The following RNF135 variants were observed in gnomAD, a reference collection of about 807,000 sequenced individuals.
RNF135 encodes ring finger protein 135.
In RNF135, 46 loss-of-function variants were observed where a neutral mutation model predicts 41.9. That is an observed-to-expected ratio of 1.10 (90% CI 0.87 to 1.40). The LOEUF (loss-of-function observed/expected upper bound fraction) is 1.40. Among genes scored for constraint, RNF135 ranks in the 40% most tolerant of loss-of-function variants. RNF135 has a pLI of 0.00. For missense variants in RNF135, 539 were observed against 549.8 expected (o/e 0.98, Z 0.20); for synonymous variants, 238 against 223.8 (o/e 1.06, Z -0.57).
rs1905856936 is a variant in RNF135 at position 30,971,058 on chromosome 17, C to T, written c.-16C>T. Reference sequence around the variant, plus strand: ...CGGCTCAACCCCGACGTCCGCGCCCCGGCCGCCTGTTGGCCATGGCGGGCC... The same window carrying T: ...CGGCTCAACCCCGACGTCCGCGCCCTGGCCGCCTGTTGGCCATGGCGGGCC... On this transcript the variant is annotated 5_prime_UTR_variant, in exon 1 of 5. Transcript: ENST00000328381. 3 of 1,533,876 alleles carry T rather than the reference C, an allele frequency of 2.0e-6. No individual in the cohort carries two copies. The highest frequency in any genetic ancestry group is 1.7e-6 in the Non-Finnish European group (2 of 1,145,898).
intron 1 of RNF135, among the ~76,000 whole-genome samples, chr17:30,978,358 A>AG (rs1906646230): frequency 1.3e-5 from 2 of 152,114 alleles, no homozygotes; most frequent in South Asian, 2.1e-4. Flanking sequence ...TCTTAAGGCC[A>AG]ATAATTCTTA....
upstream of RNF135, among the ~76,000 whole-genome samples, chr17:30,970,049 A>T (rs1038030042): frequency 4.6e-5 from 7 of 152,096 alleles, no homozygotes; most frequent in Admixed American, 1.3e-4. Context: ...GTATTATCTG[A>T]TACCTACTTT....
At chr17:30,976,974 T>C (rs1465089543) in intron 1 of RNF135, among the ~76,000 whole-genome samples, 1 of 152,184 alleles carries the variant, frequency 6.6e-6, no homozygotes, top group Non-Finnish European at 1.5e-5. Context: ...ATTTTGTTAT[T>C]TGTTCTTTGG....
chr17:30,974,711 G>T (rs1906285855), intron 1 of RNF135, among the ~76,000 whole-genome samples: 1 of 149,512 alleles, frequency 6.7e-6, no homozygotes, highest in Non-Finnish European at 1.5e-5. Context: ...ACAGAGTCTT[G>T]TTCTGTCACA....
intron 1 of RNF135, among the ~76,000 whole-genome samples, chr17:30,981,147 T>C (rs1798583793): frequency 6.7e-6 from 1 of 149,110 alleles, no homozygotes; most frequent in Non-Finnish European, 1.5e-5. Flanking sequence ...CACTCGCGGT[T>C]AGGAGCTGGA....
At chr17:30,996,144 CA>C (rs1908342860) in intron 3 of RNF135, among the ~76,000 whole-genome samples, 1 of 134,986 alleles carries the variant, frequency 7.4e-6, no homozygotes, top group Non-Finnish European at 1.5e-5. Flanking sequence ...AGGCTGGAGT[CA>C]GTGGTGCGAT....
chr17:30,983,342 TA>T (rs58686523), intron 1 of RNF135, among the ~76,000 whole-genome samples: 805 of 37,910 alleles, frequency 0.021, 18 homozygotes, highest in African/African-American at 0.053. Context: ...TATATATATA[TA>T]TATATATATA....
At chr17:30,989,441 A>C (rs1372245855) in intron 3 of RNF135, among the ~76,000 whole-genome samples, 1 of 152,082 alleles carries the variant, frequency 6.6e-6, no homozygotes, top group Non-Finnish European at 1.5e-5. Context: ...TGTTAATGTT[A>C]ATATTAAACA....
intron 1 of RNF135, among the ~76,000 whole-genome samples, chr17:30,979,544 C>G (rs1355726287): frequency 2.2e-5 from 2 of 91,544 alleles, no homozygotes; most frequent in South Asian, 3.7e-4. Flanking sequence ...CCCCCCCCCC[C>G]GCCTCCCTCC....
At position 30,992,577 on chromosome 17, in the gene RNF135, C is replaced by G. The variant is rs1435589439; in HGVS notation, c.679+4471C>G. Among the ~76,000 whole-genome samples the G allele has an allele frequency of 2.0e-5, 3 of 151,778 alleles. No homozygotes were observed. In the East Asian group the frequency reaches 5.8e-4, roughly 30 times the overall value. On this transcript the variant is annotated intron_variant, in intron 3 of 4. Coordinates refer to ENST00000328381, the MANE Select transcript of RNF135 (RefSeq NM_032322.4). Reference sequence around the variant, plus strand: ...ACCTCCCAGGCTCAAGTGATCCTCCCTCCTTAGCCTCCTGAGTAGCTGGGA... The same window carrying G: ...ACCTCCCAGGCTCAAGTGATCCTCCGTCCTTAGCCTCCTGAGTAGCTGGGA...
At chr17:30,996,175 C>G (rs559366427) in intron 3 of RNF135, among the ~76,000 whole-genome samples, 1 of 150,204 alleles carries the variant, frequency 6.7e-6, no homozygotes, top group Admixed American at 6.7e-5. Context: ...CTGCAAACTC[C>G]GCCTCCCAGG....
In RNF135 at chr17:30,997,331, TG is replaced by T. The variant is rs777504147; in HGVS notation, c.769+1del. ...CAGGAGAGCTTCTCGGTTTGCTCAG[TG>T]TAAGTATGTGGTCCACTTTAAACAT... On this transcript the variant is annotated splice_donor_variant, in intron 4 of 4. Coordinates refer to ENST00000328381, the MANE Select transcript of RNF135 (RefSeq NM_032322.4). LOFTEE classifies it high-confidence loss of function. The T allele has an allele frequency of 3.7e-6, 6 of 1,613,468 alleles. No individual in the cohort carries two copies. In the Middle Eastern group the frequency reaches 5.0e-4, roughly 133 times the overall value.
intron 1 of RNF135, 190 bp downstream of exon 1, chr17:30,971,635 C>T (rs902554112): frequency 3.0e-6 from 4 of 1,353,536 alleles, no homozygotes; most frequent in Non-Finnish European, 3.8e-6. Context: ...TAGAAAAAAA[C>T]AAATTCCCCA....
At chr17:30,963,358 A>G in the RNF135 span, among the ~76,000 whole-genome samples, 6 of 151,942 alleles carry the variant, frequency 3.9e-5, no homozygotes. Context: ...TGAGGTGGGC[A>G]GATCACGACG....
Position 30,989,983 on chromosome 17 carries a change from T to G in RNF135, c.679+1877T>G, listed in dbSNP as rs535086333. 4.1e-3 allele frequency among the ~76,000 whole-genome samples: 347 copies of G among 83,790 alleles called. 1 individual carries two copies. The highest frequency in any genetic ancestry group is 0.033 in the African/African-American group (336 of 10,042). 55.0% of individuals were successfully genotyped at this position (83,790 alleles called of 152,430 possible). On this transcript the variant is annotated intron_variant, in intron 3 of 4. Transcript: ENST00000328381. Reference sequence around the variant, plus strand: ...TGGGCAACAAGAGTGAAACTCTGTCTCAAAAAAAAAAAAAAAAAAAAAGAA... The same window carrying G: ...TGGGCAACAAGAGTGAAACTCTGTCGCAAAAAAAAAAAAAAAAAAAAAGAA...
chr17:30,992,372 T>C (rs1908046689), intron 3 of RNF135, among the ~76,000 whole-genome samples: 1 of 133,818 alleles, frequency 7.5e-6, no homozygotes, highest in Non-Finnish European at 1.7e-5. Context: ...CTGGCCTCAA[T>C]TTTTTTTTTT....
upstream of RNF135, among the ~76,000 whole-genome samples, chr17:30,966,409 ATTTTATT>A (rs1905552897): frequency 7.9e-6 from 1 of 126,522 alleles, no homozygotes; most frequent in African/African-American, 4.4e-5. Flanking sequence ...TTTTTATTTT[ATTTTATT>A]TTTTTATTTA....
the RNF135 span, among the ~76,000 whole-genome samples, chr17:30,964,447 G>A: frequency 6.9e-6 from 1 of 144,096 alleles, no homozygotes; most frequent in African/African-American, 2.6e-5. Flanking sequence ...GAAACTGATA[G>A]GACATGTTAG....
chr17:30,970,766 A>C (rs115287215), upstream of RNF135: 508 of 472,902 alleles, frequency 1.1e-3, 2 homozygotes, highest in African/African-American at 9.5e-3. Context: ...GCTGCATCTT[A>C]ATGGAGGGAC....
Sources: allele counts gnomAD v4.1 joint callset (sites outside exome capture counted in the v4.1 genomes callset), GRCh38; gene constraint gnomAD v4.1.1; transcripts MANE v1.5; gene names NCBI Gene and HGNC (gene_info 2026-07-23, HGNC 2026-07-21).